Variants in TMCO1 observed in about 807,000 individuals in gnomAD.
The protein encoded by TMCO1 is calcium load-activated calcium channel.
TMCO1 carries 29 observed loss-of-function variants against 29.3 expected under a neutral mutation model. The observed-to-expected ratio is 0.99, with a 90% CI of 0.74 to 1.35. The LOEUF (loss-of-function observed/expected upper bound fraction) is 1.35, where lower values mean the gene tolerates loss of function less well. Ranked by LOEUF, TMCO1 falls within the 40% of genes most tolerant of loss-of-function variation. The pLI is 0.00. For synonymous variants in TMCO1, 80 were observed against 77.1 expected, an observed-to-expected ratio of 1.04 and a Z score of -0.20; for missense variants, 173 against 225.5, an observed-to-expected ratio of 0.77 and a Z score of 1.49.
intron 6 of TMCO1, among the ~76,000 whole-genome samples, chr1:165,730,195 G>T (rs1455743335): frequency 3.3e-5 from 5 of 150,322 alleles, no homozygotes. Context: ...AATTAGCCGG[G>T]AGAGGTGGCG....
At chr1:165,728,886 T>C (rs1651008935) in intron 6 of TMCO1, among the ~76,000 whole-genome samples, 1 of 151,916 alleles carries the variant, frequency 6.6e-6, no homozygotes, top group African/African-American at 2.4e-5. Flanking sequence ...CACTTGAGGC[T>C]AGGAGTTCAA....
intron 6 of TMCO1, among the ~76,000 whole-genome samples, chr1:165,742,888 A>T (rs1366547036): frequency 6.6e-6 from 1 of 152,202 alleles, no homozygotes; most frequent in Non-Finnish European, 1.5e-5. Flanking sequence ...CTACTTTTGC[A>T]GCTTTAGGCA....
At chr1:165,729,466 G>C (rs1284878908) in intron 6 of TMCO1, among the ~76,000 whole-genome samples, 1 of 151,862 alleles carries the variant, frequency 6.6e-6, no homozygotes. Flanking sequence ...ACAGGTGCCT[G>C]CTATCACACC....
intron 5 of TMCO1, among the ~76,000 whole-genome samples, chr1:165,744,773 A>G (rs1239190689): frequency 7.1e-6 from 1 of 141,028 alleles, no homozygotes; most frequent in Non-Finnish European, 1.6e-5. Context: ...CTGGGCAACA[A>G]GAGCAAAACT....
chr1:165,727,907 C>G lies in TMCO1; in HGVS notation c.*116G>C, dbSNP rs771251066. ...ATACCCAAAAGGCTTAGAAATAATTCAAAACTAGAAAGAGGCCCAAGTAGT... is the reference window on the plus strand; with the variant it reads ...ATACCCAAAAGGCTTAGAAATAATTGAAAACTAGAAAGAGGCCCAAGTAGT... On this transcript the variant is annotated 3_prime_UTR_variant, in exon 7 of 7. Coordinates refer to ENST00000367881, the MANE Select transcript of TMCO1 (RefSeq NM_019026.6). The G allele has an allele frequency of 1.5e-5, 11 of 754,538 alleles. No individual in the cohort carries two copies. Among genetic ancestry groups the G allele is most frequent in the Non-Finnish European group, 2.0e-5 (9 of 451,204 alleles). 46.7% of individuals were successfully genotyped at this position (754,538 alleles called of 1,614,324 possible).
chr1:165,734,743 T>G (rs1056629431), intron 6 of TMCO1, among the ~76,000 whole-genome samples: 5 of 152,218 alleles, frequency 3.3e-5, no homozygotes, highest in African/African-American at 1.2e-4. Context: ...GACCTCGTGA[T>G]CCACCTGCCT....
At chr1:165,733,845 G>T (rs1558030397) in intron 6 of TMCO1, among the ~76,000 whole-genome samples, 1 of 152,210 alleles carries the variant, frequency 6.6e-6, no homozygotes, top group Non-Finnish European at 1.5e-5. Context: ...TCTTCTACTG[G>T]CAGGAAAACC....
rs1371546963 is a variant in TMCO1 at position 165,754,090 on chromosome 1, AG to A, written c.255+137del. ...GCATATTTTCACTTCCATTTGGTCC[AG>A]GAACACCCATGATATTATTTATAGC... On this transcript the variant is annotated intron_variant, in intron 4 of 6. Coordinates refer to ENST00000367881, the MANE Select transcript of TMCO1 (RefSeq NM_019026.6). 37 of 718,308 alleles carry A rather than the reference AG, an allele frequency of 5.2e-5. 2 individuals carry two copies. In the Admixed American group the frequency reaches 6.7e-4, roughly 13 times the overall value. 44.5% of individuals were successfully genotyped at this position (718,308 alleles called of 1,614,324 possible).
Position 165,737,254 on chromosome 1 carries a change from G to A in TMCO1, c.468+5913C>T, listed in dbSNP as rs145378742. On this transcript the variant is annotated intron_variant, in intron 6 of 6. Coordinates refer to ENST00000367881, the MANE Select transcript of TMCO1 (RefSeq NM_019026.6). ...TTACCTAAAATTCAAAAATCATTGG[G>A]TAGGCTTAGGGTTAACACAGATTAG... Among the ~76,000 whole-genome samples, 665 of 152,150 alleles carry A rather than the reference G, an allele frequency of 4.4e-3. 5 individuals carry two copies. Among genetic ancestry groups the A allele is most frequent in the Non-Finnish European group, 5.6e-3 (380 of 67,998 alleles).
intron 6 of TMCO1, among the ~76,000 whole-genome samples, chr1:165,739,636 G>A (rs559538998): frequency 2.0e-5 from 3 of 152,140 alleles, no homozygotes; most frequent in African/African-American, 7.2e-5. Flanking sequence ...CTACCTGCTC[G>A]CCTTGGCCTC....
intron 2 of TMCO1, among the ~76,000 whole-genome samples, chr1:165,765,058 T>C (rs1479942103): frequency 1.3e-5 from 2 of 152,354 alleles, no homozygotes; most frequent in East Asian, 3.9e-4. Context: ...AAACATTTAC[T>C]ATGTGCCAGT....
Position 165,768,172 on chromosome 1 carries a change from T to C in TMCO1, c.148+20A>G. On this transcript the variant is annotated intron_variant, in intron 2 of 6. Transcript: ENST00000367881. The stretch of plus-strand genomic sequence containing the variant: ...GAGCTTGACGTGTTGAAATTATTTC[T>C]AATGTGTTGCCATACTCACATTTTT... 1 of 1,585,410 alleles carries C rather than the reference T, an allele frequency of 6.3e-7. No homozygotes were observed. The highest frequency in any genetic ancestry group is 8.7e-7 in the Non-Finnish European group (1 of 1,153,668).
chr1:165,757,457 C>T (rs981099956), intron 3 of TMCO1, among the ~76,000 whole-genome samples: 1 of 152,202 alleles, frequency 6.6e-6, no homozygotes, highest in Non-Finnish European at 1.5e-5. Flanking sequence ...TATTACATCT[C>T]ATAATTTCTA....
At chr1:165,750,818 C>G (rs1651966076) in intron 5 of TMCO1, among the ~76,000 whole-genome samples, 1 of 152,100 alleles carries the variant, frequency 6.6e-6, no homozygotes, top group Non-Finnish European at 1.5e-5. Flanking sequence ...GCCTGTAATC[C>G]CAGCACTTTG....
At position 165,768,270 on chromosome 1, in the gene TMCO1, C is replaced by T; in HGVS notation, c.71-1G>A. Reference sequence around the variant, plus strand: ...CTGTAAACCAGGACCCAGGTTATGCCTAAAACATTAAAAGCAACATGTTAA... The same window carrying T: ...CTGTAAACCAGGACCCAGGTTATGCTTAAAACATTAAAAGCAACATGTTAA... On this transcript the variant is annotated splice_acceptor_variant, in intron 1 of 6. Coordinates refer to ENST00000367881, the MANE Select transcript of TMCO1 (RefSeq NM_019026.6). LOFTEE classifies it high-confidence loss of function. 6.2e-7 allele frequency: 1 copy of T among 1,613,158 alleles called. No individual in the cohort carries two copies. Among genetic ancestry groups the T allele is most frequent in the Non-Finnish European group, 8.5e-7 (1 of 1,179,342 alleles).
chr1:165,733,272 C>G (rs1651239536), intron 6 of TMCO1, among the ~76,000 whole-genome samples: 1 of 152,216 alleles, frequency 6.6e-6, no homozygotes, highest in Admixed American at 6.5e-5. Context: ...TTCCTATAAT[C>G]TCTCAATTTT....
At chr1:165,763,797 T>C (rs1652478819) in intron 2 of TMCO1, among the ~76,000 whole-genome samples, 3 of 152,022 alleles carry the variant, frequency 2.0e-5, no homozygotes, top group Admixed American at 2.0e-4. Context: ...GGCTAATTTT[T>C]TGTACATTTT....
chr1:165,730,881 C>A (rs190821947), intron 6 of TMCO1, among the ~76,000 whole-genome samples: 1 of 151,336 alleles, frequency 6.6e-6, no homozygotes, highest in Admixed American at 6.6e-5. Context: ...GGGTGAGCCA[C>A]TATGCCCGGC....
chr1:165,755,274 T>C (rs1652151844), intron 3 of TMCO1, among the ~76,000 whole-genome samples: 2 of 152,198 alleles, frequency 1.3e-5, no homozygotes, highest in Admixed American at 6.5e-5. Flanking sequence ...ACAGAGTCAG[T>C]AGACCTTCAG....
Sources: gnomAD v4.1 joint callset for allele counts (sites outside exome capture counted in the v4.1 genomes callset) on GRCh38, gnomAD v4.1.1 for gene constraint, MANE v1.5 for transcripts, NCBI Gene and HGNC (gene_info 2026-07-23, HGNC 2026-07-21) for gene names.